ROBO2: variants seen among roughly 807,000 people sequenced by gnomAD.
ROBO2 encodes the protein roundabout guidance receptor 2, also known as roundabout homolog 2.
In ROBO2, 53 loss-of-function variants were observed where a neutral mutation model predicts 160.8. That is an observed-to-expected ratio of 0.33 (90% CI 0.26 to 0.41). ROBO2 has a LOEUF of 0.41. ROBO2 is among the 10% of genes least tolerant of loss of function. The pLI is 1.00. For synonymous variants in ROBO2, 664 were observed against 611.7 expected, an observed-to-expected ratio of 1.09 and a Z score of -1.26; for missense variants, 1,577 against 1,722.4, an observed-to-expected ratio of 0.92 and a Z score of 1.49.
intron 7 of ROBO2, among the ~76,000 whole-genome samples, chr3:77,548,985 A>C (rs1478306316): frequency 6.6e-6 from 1 of 152,024 alleles, no homozygotes; most frequent in Non-Finnish European, 1.5e-5. Context: ...ATCAGTAGAA[A>C]CAGTTAAAAG....
At chr3:77,577,608 A>G (rs1279013752) in exon 15 of ROBO2, 1 of 1,613,320 alleles carries the variant, frequency 6.2e-7, no homozygotes. Flanking sequence ...TTATCCAAGA[A>G]TACAAGGTAG....
intron 2 of ROBO2, among the ~76,000 whole-genome samples, chr3:76,014,775 A>G (rs2107634534): frequency 6.6e-6 from 1 of 152,300 alleles, no homozygotes; most frequent in Non-Finnish European, 1.5e-5. Flanking sequence ...AAATATTTTA[A>G]AAGTTGGCTG....
chr3:77,591,862 G>T (rs1411015449), intron 17 of ROBO2, among the ~76,000 whole-genome samples: 2 of 152,114 alleles, frequency 1.3e-5, no homozygotes, highest in Non-Finnish European at 2.9e-5. Flanking sequence ...CTTTCAATTT[G>T]CTCTGGAATT....
chr3:77,544,929 T>C (rs2092638432), intron 6 of ROBO2, among the ~76,000 whole-genome samples: 2 of 152,094 alleles, frequency 1.3e-5, no homozygotes, highest in Admixed American at 1.3e-4. Flanking sequence ...CTGCCTACTG[T>C]CTTTCACTTT....
At chr3:76,263,749 A>C (rs1021867287) in intron 2 of ROBO2, among the ~76,000 whole-genome samples, 2 of 152,172 alleles carry the variant, frequency 1.3e-5, no homozygotes, top group African/African-American at 2.4e-5. Context: ...AAATCATTCT[A>C]CTGTAAAGAT....
intron 2 of ROBO2, among the ~76,000 whole-genome samples, chr3:77,252,831 A>AAAATATATATATATATATATATATAT: frequency 4.0e-4 from 5 of 12,514 alleles, no homozygotes; most frequent in Non-Finnish European, 8.6e-4. Flanking sequence ...AAAAAAAAAA[A>AAAATATATATATATATATATATATAT]ATATATATAT....
At chr3:76,151,149 G>C (rs2072181864) in intron 2 of ROBO2, among the ~76,000 whole-genome samples, 1 of 152,014 alleles carries the variant, frequency 6.6e-6, no homozygotes, top group Non-Finnish European at 1.5e-5. Flanking sequence ...CACCATCCCA[G>C]ACTACTTCTT....
intron 1 of ROBO2, among the ~76,000 whole-genome samples, chr3:75,907,888 A>G (rs1401141376): frequency 7.5e-6 from 1 of 133,338 alleles, no homozygotes; most frequent in Admixed American, 7.6e-5. Context: ...TGTGTATCAG[A>G]GAGACAAAAT....
intron 2 of ROBO2, among the ~76,000 whole-genome samples, chr3:77,387,032 T>G (rs140204254): frequency 2.0e-4 from 31 of 152,170 alleles, no homozygotes; most frequent in African/African-American, 7.0e-4. Context: ...AAAGCCTTAT[T>G]AAGCCGCTCA....
At position 77,492,539 on chromosome 3, in the gene ROBO2, T is replaced by A. The variant is rs548582758; in HGVS notation, c.668-705T>A. Among the ~76,000 whole-genome samples the A allele has an allele frequency of 2.6e-3, 388 of 151,568 alleles. 2 individuals are homozygous for A. The highest frequency in any genetic ancestry group is 9.1e-3 in the African/African-American group (375 of 41,300). On this transcript the variant is annotated intron_variant, in intron 4 of 25. Transcript: ENST00000461745. ...CAGATTACTGAAGAAATAAAAAACATAAAATTAAGTAAAAAAAAATGGGTA... is the reference window on the plus strand; with the variant it reads ...CAGATTACTGAAGAAATAAAAAACAAAAAATTAAGTAAAAAAAAATGGGTA...
At chr3:77,333,424 A>G (rs2066178974) in intron 2 of ROBO2, among the ~76,000 whole-genome samples, 1 of 152,236 alleles carries the variant, frequency 6.6e-6, no homozygotes, top group Admixed American at 6.5e-5. Context: ...ATTAGAACAG[A>G]ATGCAAGTAT....
intron 2 of ROBO2, among the ~76,000 whole-genome samples, chr3:76,215,966 C>G (rs1465424129): frequency 1.3e-5 from 2 of 152,162 alleles, no homozygotes; most frequent in Non-Finnish European, 2.9e-5. Context: ...GATCTCTCAG[C>G]AGAAACTCTA....
At chr3:77,341,458 T>C (rs1322974602) in intron 2 of ROBO2, among the ~76,000 whole-genome samples, 2 of 152,146 alleles carry the variant, frequency 1.3e-5, no homozygotes, top group Non-Finnish European at 2.9e-5. Flanking sequence ...ATTCAACCCA[T>C]TAAGTCTAAT....
rs746060806 is a variant in ROBO2, at chr3:77,574,643, G to T, written c.2116G>T (p.Val706Leu). ...TGTCTTAGTCAACCTGAAAAAGGGG[G>T]TGACTTATGAAATTAAAGTACGGCC... Residue 706 changes from valine to leucine, a missense_variant, in exon 14 of 26, where the codon GTG (valine) becomes TTG (leucine). Physicochemically the swap from Val to Leu is conservative, Grantham distance 32. Transcript: ENST00000461745. 3.7e-6 allele frequency: 6 copies of T among 1,613,302 alleles called. No individual in the cohort carries two copies. The South Asian group carries it at 4.4e-5, about 12-fold the overall frequency.
intron 2 of ROBO2, among the ~76,000 whole-genome samples, chr3:76,949,265 A>AT (rs1559750916): frequency 1.3e-5 from 2 of 151,828 alleles, no homozygotes; most frequent in African/African-American, 4.8e-5. Context: ...GTGTTTCTCA[A>AT]TTTTTTGTCA....
intron 2 of ROBO2, among the ~76,000 whole-genome samples, chr3:76,557,040 C>A (rs2108444969): frequency 6.6e-6 from 1 of 152,124 alleles, no homozygotes; most frequent in South Asian, 2.1e-4. Flanking sequence ...ATTTGCCACC[C>A]AGTTTTAGAT....
chr3:76,746,519 T>C (rs1442535081), intron 2 of ROBO2, among the ~76,000 whole-genome samples: 3 of 152,046 alleles, frequency 2.0e-5, no homozygotes, highest in African/African-American at 7.2e-5. Context: ...TTTTAATGAT[T>C]GCCATTCTAA....
intron 2 of ROBO2, among the ~76,000 whole-genome samples, chr3:76,612,853 TTTTTG>T (rs1169694688): frequency 6.6e-6 from 1 of 152,166 alleles, no homozygotes; most frequent in African/African-American, 2.4e-5. Context: ...CTTTTTGTAG[TTTTTG>T]TTTTGAAGTC....
intron 2 of ROBO2, among the ~76,000 whole-genome samples, chr3:76,129,992 A>C (rs774198898): frequency 1.2e-4 from 19 of 152,088 alleles, no homozygotes; most frequent in Admixed American, 3.3e-4. Flanking sequence ...AAAACATATG[A>C]GAAGGTTTTC....
Sources: allele counts gnomAD v4.1 joint callset (sites outside exome capture counted in the v4.1 genomes callset), GRCh38; gene constraint gnomAD v4.1.1; transcripts MANE v1.5; gene names NCBI Gene and HGNC (gene_info 2026-07-23, HGNC 2026-07-21).